ABCA4: variants seen among roughly 807,000 people sequenced by gnomAD.
ABCA4 encodes ATP binding cassette subfamily A member 4, also known as retinal-specific phospholipid-transporting ATPase ABCA4.
In ABCA4, 196 loss-of-function variants were observed where a neutral mutation model predicts 263.7. The observed-to-expected ratio is 0.74, with a 90% CI of 0.66 to 0.84. The LOEUF is 0.84. Among genes scored for constraint, ABCA4 ranks in the 40% least tolerant of loss-of-function variants. The pLI, the probability that ABCA4 is intolerant of heterozygous loss-of-function variation, is 0.00. For missense variants in ABCA4, 2,792 were observed against 2,855.1 expected (o/e 0.98, Z 0.50); for synonymous variants, 1,133 against 1,094.2 (o/e 1.04, Z -0.70).
At chr1:94,024,596 T>A (rs1411682990) in intron 31 of ABCA4, among the ~76,000 whole-genome samples, 3 of 152,142 alleles carry the variant, frequency 2.0e-5, no homozygotes, top group Non-Finnish European at 2.9e-5. Flanking sequence ...CTCCTCCACC[T>A]CCCTCCAAAT....
chr1:93,993,108 G>T lies in ABCA4; in HGVS notation c.*129C>A. The T allele has an allele frequency of 7.9e-7, 1 of 1,267,694 alleles. No individual in the cohort carries two copies. The allele number at this position is 1,267,694 out of a possible 1,614,324, so 78.5% of individuals were successfully genotyped here. ...TGAATTCGCTGCATGCTCCTCGTGTGTTTGTTTTCTGCTGCAGTGGGGTCA... is the reference window on the plus strand; with the variant it reads ...TGAATTCGCTGCATGCTCCTCGTGTTTTTGTTTTCTGCTGCAGTGGGGTCA... On this transcript the variant is annotated 3_prime_UTR_variant, in exon 50 of 50. Coordinates refer to ENST00000370225, the MANE Select transcript of ABCA4 (RefSeq NM_000350.3).
chr1:94,039,399 A>C (rs1316799010), intron 24 of ABCA4, among the ~76,000 whole-genome samples: 1 of 152,250 alleles, frequency 6.6e-6, no homozygotes, highest in African/African-American at 2.4e-5. Flanking sequence ...CCCATTCATT[A>C]ACCTGCATCA....
intron 5 of ABCA4, among the ~76,000 whole-genome samples, chr1:94,100,032 C>T (rs915351614): frequency 2.0e-5 from 3 of 152,166 alleles, no homozygotes; most frequent in Non-Finnish European, 2.9e-5. Flanking sequence ...TGGGCAAATT[C>T]GTGAGATTCC....
chr1:93,994,296 A>G (rs924991909), intron 49 of ABCA4, among the ~76,000 whole-genome samples: 2 of 152,240 alleles, frequency 1.3e-5, no homozygotes, highest in Non-Finnish European at 1.5e-5. Context: ...AAGATTGCAT[A>G]AGACCTTATC....
chr1:94,117,474 GC>G (rs34305112), intron 1 of ABCA4, among the ~76,000 whole-genome samples: 32,364 of 134,728 alleles, frequency 0.24, 3,559 homozygotes, highest in Middle Eastern at 0.3. Flanking sequence ...GAGTCCTCAG[GC>G]CCCCCCACAG....
chr1:93,992,959 T>C lies in ABCA4; in HGVS notation c.*278A>G. 1.9e-6 allele frequency: 1 copy of C among 523,500 alleles called. No individual in the cohort carries two copies. The highest frequency in any genetic ancestry group is 3.5e-6 in the Non-Finnish European group (1 of 289,410). The allele number at this position is 523,500 out of a possible 1,614,324, so 32.4% of individuals were successfully genotyped here. A position where few individuals can be genotyped will look rare whatever the true frequency, so the allele number is the denominator to read the frequency against. On this transcript the variant is annotated 3_prime_UTR_variant, in exon 50 of 50. Coordinates refer to ENST00000370225, the MANE Select transcript of ABCA4 (RefSeq NM_000350.3). ...AGAGCAATATGGAGGCCAAAGCTGC[T>C]AGTGGGATGGCCCGGGGTTTCTAGT...
chr1:94,018,322 G>A (rs1242562483), intron 36 of ABCA4, among the ~76,000 whole-genome samples: 3 of 152,176 alleles, frequency 2.0e-5, no homozygotes, highest in Non-Finnish European at 4.4e-5. Context: ...TTTCGGTACC[G>A]GTGGGCCTAG....
rs756106154 is a variant in ABCA4 at position 94,029,455 on chromosome 1, G to A, written c.4529C>T (p.Pro1510Leu). The A allele has an allele frequency of 1.6e-5, 25 of 1,553,972 alleles. No homozygotes were observed. Among genetic ancestry groups the A allele is most frequent in the Middle Eastern group, 4.1e-4 (2 of 4,842 alleles). The part of the protein sequence containing the change: ...PECPEGAGGL[P>L]PPQRTQRSTE... ...TTGGAGGTCAGGTACCTGGGGGGGC[G>A]GGAGGCCCCCGGCACCCTCGGGGCA... Residue 1510 changes from proline to leucine, a missense_variant, in exon 30 of 50, where the codon CCG (proline) becomes CTG (leucine). Transcript: ENST00000370225.
Position 94,113,026 on chromosome 1 carries a change from A to T in ABCA4, c.107T>A (p.Phe36Tyr), listed in dbSNP as rs1662654854. ...ATTCCTTAACCAGATCAAGACCAGA[A>T]ATAAAGATAAAGGCCACACGAGTTC... ...VVELVWPLSL[F>Y]LVLIWLRNAN... Residue 36 changes from phenylalanine (F) to tyrosine (Y), a missense_variant, in exon 2 of 50, where the codon TTT (phenylalanine) becomes TAT (tyrosine). Coordinates refer to ENST00000370225, the MANE Select transcript of ABCA4 (RefSeq NM_000350.3). The T allele has an allele frequency of 6.2e-7, 1 of 1,614,158 alleles. No homozygotes were observed. The highest frequency in any genetic ancestry group is 8.5e-7 in the Non-Finnish European group (1 of 1,180,008).
At chr1:94,114,647 C>T (rs997921625) in intron 1 of ABCA4, among the ~76,000 whole-genome samples, 2 of 152,048 alleles carry the variant, frequency 1.3e-5, no homozygotes, top group East Asian at 1.9e-4. Flanking sequence ...CCACCATGCC[C>T]GGCTAATTTT....
At chr1:94,120,875 A>AAC in intron 1 of ABCA4, 105 bp downstream of exon 1, 2 of 758,336 alleles carry the variant, frequency 2.6e-6, no homozygotes, top group Admixed American at 4.1e-5. Flanking sequence ...ACTGCTCACA[A>AAC]CCCCCCACCC....
At chr1:93,994,569 C>T (rs944239622) in intron 49 of ABCA4, among the ~76,000 whole-genome samples, 2 of 152,040 alleles carry the variant, frequency 1.3e-5, no homozygotes, top group African/African-American at 4.8e-5. Flanking sequence ...ATAATGTAAA[C>T]AATAATATAC....
At chr1:94,097,332 G>A (rs1233982229) in intron 6 of ABCA4, among the ~76,000 whole-genome samples, 2 of 152,082 alleles carry the variant, frequency 1.3e-5, no homozygotes, top group Non-Finnish European at 2.9e-5. Context: ...GCCAGAAACT[G>A]CGGTGTCTTA....
intron 6 of ABCA4, among the ~76,000 whole-genome samples, chr1:94,097,772 C>T (rs978957769): frequency 1.6e-4 from 25 of 152,090 alleles, no homozygotes; most frequent in African/African-American, 2.7e-4. Context: ...TTTATTGAGA[C>T]GGAGTCTTGC....
At chr1:94,063,917 CTT>C (rs1428882402) in intron 11 of ABCA4, among the ~76,000 whole-genome samples, 1 of 148,422 alleles carries the variant, frequency 6.7e-6, no homozygotes, top group East Asian at 2.2e-4. Flanking sequence ...TAATATGCCT[CTT>C]TTCTTCTCCT....
rs1660184848 is a variant in ABCA4 at position 94,030,993 on chromosome 1, C to T, written c.4253+3G>A. ...GGAGAATGGTGACCCCGAGTCCGCG[C>T]ACCTGAAGAAGGTGTACTGCTGCCC... is the stretch of plus-strand genomic sequence containing the variant. On this transcript the variant is annotated splice_donor_region_variant and intron_variant, in intron 28 of 49. Coordinates refer to ENST00000370225, the MANE Select transcript of ABCA4 (RefSeq NM_000350.3). 1.9e-6 allele frequency: 3 copies of T among 1,614,018 alleles called. No individual in the cohort carries two copies. Among genetic ancestry groups the T allele is most frequent in the Non-Finnish European group, 2.5e-6 (3 of 1,179,948 alleles).
At chr1:94,052,770 G>T (rs1660873565) in intron 16 of ABCA4, among the ~76,000 whole-genome samples, 1 of 152,134 alleles carries the variant, frequency 6.6e-6, no homozygotes, top group South Asian at 2.1e-4. Context: ...AATATACTTG[G>T]TCTTTGTCCC....
At chr1:94,096,352 G>A (rs925694548) in intron 6 of ABCA4, among the ~76,000 whole-genome samples, 1 of 152,142 alleles carries the variant, frequency 6.6e-6, no homozygotes, top group African/African-American at 2.4e-5. Context: ...CCCTTTCTAG[G>A]CTGCACTGCT....
chr1:94,108,632 T>A lies in ABCA4; in HGVS notation c.387A>T (p.Leu129=), dbSNP rs1327990482. The A allele has an allele frequency of 1.9e-6, 3 of 1,613,766 alleles. No homozygotes were observed. The highest frequency in any genetic ancestry group is 2.5e-6 in the Non-Finnish European group (3 of 1,180,022). The change falls in exon 4 of 50, where the codon CTA becomes CTT. Residue 129 remains leucine (L), a synonymous_variant. Transcript: ENST00000370225. ...SQHLGRIWTE[L]HILSQFMDTL... ...TGTCCATGAATTGGGACAAGATGTG[T>A]AGCTCTGTCCAAATACGGCCAAGGT...
Sources: gnomAD v4.1 joint callset for allele counts (sites outside exome capture counted in the v4.1 genomes callset) on GRCh38, gnomAD v4.1.1 for gene constraint, MANE v1.5 for transcripts, NCBI Gene and HGNC (gene_info 2026-07-23, HGNC 2026-07-21) for gene names.